Variants in CNTN1 observed in about 807,000 individuals in gnomAD.
The protein encoded by CNTN1 is contactin 1.
CNTN1 carries 38 observed loss-of-function variants against 126.4 expected under a neutral mutation model. The observed-to-expected ratio is 0.30, with a 90% CI of 0.23 to 0.39. CNTN1 has a LOEUF of 0.39. Ranked by LOEUF, CNTN1 falls within the 10% of genes least tolerant of loss-of-function variation. The pLI is 1.00. For missense variants in CNTN1, 1,009 were observed against 1,248.4 expected, an observed-to-expected ratio of 0.81 and a Z score of 2.89; for synonymous variants, 413 against 422.6, an observed-to-expected ratio of 0.98 and a Z score of 0.28.
intron 15 of CNTN1, among the ~76,000 whole-genome samples, chr12:40,969,422 G>C (rs965586959): frequency 6.6e-6 from 1 of 152,110 alleles, no homozygotes; most frequent in East Asian, 1.9e-4. Flanking sequence ...TACACAGAGA[G>C]AGAAAGAAAT....
At chr12:40,840,123 T>C (rs1592144727) in intron 1 of CNTN1, among the ~76,000 whole-genome samples, 1 of 151,854 alleles carries the variant, frequency 6.6e-6, no homozygotes, top group African/African-American at 2.4e-5. Flanking sequence ...TGAAGACACA[T>C]ATAGACTGAA....
At chr12:40,971,495 C>T (rs1474840744) in intron 15 of CNTN1, 1 of 1,596,742 alleles carries the variant, frequency 6.3e-7, no homozygotes, top group African/African-American at 1.3e-5. Flanking sequence ...TCTGTGCAAG[C>T]CTGCCTCCAA....
intron 15 of CNTN1, among the ~76,000 whole-genome samples, chr12:40,970,102 T>C (rs1031891961): frequency 3.9e-5 from 6 of 152,042 alleles, no homozygotes; most frequent in African/African-American, 1.4e-4. Context: ...CGCTGATGTG[T>C]AGGGTCTAAG....
At chr12:41,065,480 A>G (rs570682866) in intron 23 of CNTN1, among the ~76,000 whole-genome samples, 12 of 152,236 alleles carry the variant, frequency 7.9e-5, no homozygotes, top group Non-Finnish European at 1.6e-4. Flanking sequence ...GCAAGGAAAC[A>G]CACACCAGAG....
At chr12:40,766,973 G>T (rs1939120699) in intron 1 of CNTN1, among the ~76,000 whole-genome samples, 1 of 152,068 alleles carries the variant, frequency 6.6e-6, no homozygotes, top group Admixed American at 6.5e-5. Context: ...AAATATTCAA[G>T]TATAATGTCC....
intron 1 of CNTN1, among the ~76,000 whole-genome samples, chr12:40,823,962 C>T (rs1359575849): frequency 6.6e-6 from 1 of 151,906 alleles, no homozygotes; most frequent in Non-Finnish European, 1.5e-5. Context: ...TTACATTTGC[C>T]TTGTTTAGTG....
At chr12:40,814,006 G>C (rs1003804857) in intron 1 of CNTN1, among the ~76,000 whole-genome samples, 1 of 151,954 alleles carries the variant, frequency 6.6e-6, no homozygotes, top group African/African-American at 2.4e-5. Flanking sequence ...TTTGAGAAGT[G>C]TCTGTTCATA....
chr12:40,716,323 T>C (rs774860298), intron 1 of CNTN1, among the ~76,000 whole-genome samples: 2 of 149,296 alleles, frequency 1.3e-5, no homozygotes, highest in African/African-American at 4.9e-5. Flanking sequence ...CTCCTTTCCC[T>C]CCCTTCCTTT....
intron 2 of CNTN1, among the ~76,000 whole-genome samples, chr12:40,909,202 A>T (rs1474557413): frequency 6.6e-6 from 1 of 152,040 alleles, no homozygotes; most frequent in East Asian, 1.9e-4. Flanking sequence ...TTGAGAGTAC[A>T]TTCATTTTAG....
intron 23 of CNTN1, among the ~76,000 whole-genome samples, chr12:41,057,513 A>G (rs1478122172): frequency 6.6e-6 from 1 of 152,030 alleles, no homozygotes; most frequent in East Asian, 1.9e-4. Context: ...ATGGCTAGCT[A>G]ACAATGTAAT....
chr12:40,971,877 C>T, intron 15 of CNTN1: 2 of 1,072,314 alleles, frequency 1.9e-6, no homozygotes, highest in South Asian at 5.5e-5. Context: ...AGGAGTATTG[C>T]CATTGAATGT....
At chr12:40,978,477 T>G (rs1417748029) in intron 15 of CNTN1, among the ~76,000 whole-genome samples, 1 of 152,118 alleles carries the variant, frequency 6.6e-6, no homozygotes, top group Non-Finnish European at 1.5e-5. Flanking sequence ...AAATGAAGAC[T>G]GTATTGTGGA....
intron 1 of CNTN1, among the ~76,000 whole-genome samples, chr12:40,710,992 T>C (rs1941899358): frequency 6.6e-6 from 1 of 152,148 alleles, no homozygotes; most frequent in South Asian, 2.1e-4. Flanking sequence ...ACACTAATAC[T>C]TATATTGCTA....
chr12:40,775,472 A>G (rs1939542281), intron 1 of CNTN1, among the ~76,000 whole-genome samples: 1 of 151,494 alleles, frequency 6.6e-6, no homozygotes, highest in South Asian at 2.1e-4. Context: ...TACTAAATAA[A>G]TGTCTCTTTG....
At chr12:40,998,434 G>T (rs1948274764) in intron 17 of CNTN1, among the ~76,000 whole-genome samples, 1 of 151,914 alleles carries the variant, frequency 6.6e-6, no homozygotes, top group Non-Finnish European at 1.5e-5. Flanking sequence ...TGAAAACAAG[G>T]CCTATAACAA....
chr12:41,058,374 G>T (rs988890263), intron 23 of CNTN1, among the ~76,000 whole-genome samples: 11 of 152,160 alleles, frequency 7.2e-5, no homozygotes, highest in Middle Eastern at 3.4e-3. Flanking sequence ...ACCAAAAATT[G>T]TATGATGGAA....
At chr12:40,747,510 G>C (rs2136392108) in intron 1 of CNTN1, among the ~76,000 whole-genome samples, 1 of 152,180 alleles carries the variant, frequency 6.6e-6, no homozygotes. Flanking sequence ...GGCTGGCCTG[G>C]TGCACAGTGA....
At chr12:40,898,106 A>G (rs1239436353) in intron 1 of CNTN1, among the ~76,000 whole-genome samples, 2 of 152,172 alleles carry the variant, frequency 1.3e-5, no homozygotes, top group African/African-American at 4.8e-5. Context: ...TAATTTCTCA[A>G]TAAACATATT....
intron 6 of CNTN1, among the ~76,000 whole-genome samples, chr12:40,926,280 G>A (rs1945692254): frequency 6.6e-6 from 1 of 151,826 alleles, no homozygotes; most frequent in African/African-American, 2.4e-5. Flanking sequence ...CTCAGGAGGA[G>A]CATCACTAGA....
Sources: allele counts gnomAD v4.1 joint callset (sites outside exome capture counted in the v4.1 genomes callset), GRCh38; gene constraint gnomAD v4.1.1; transcripts MANE v1.5; gene names NCBI Gene and HGNC (gene_info 2026-07-23, HGNC 2026-07-21).